PLEKHG7: variants seen among roughly 807,000 people sequenced by gnomAD.
PLEKHG7 encodes pleckstrin homology and RhoGEF domain containing G7.
A neutral mutation model predicts 85.2 loss-of-function variants in PLEKHG7; 77 were observed. That is an observed-to-expected ratio of 0.90 (90% CI 0.75 to 1.09). The LOEUF (loss-of-function observed/expected upper bound fraction) is 1.09. Ranked by LOEUF, PLEKHG7 falls within the 50% of genes least tolerant of loss-of-function variation. The pLI, the probability that PLEKHG7 is intolerant of heterozygous loss-of-function variation, is 0.00. For synonymous variants in PLEKHG7, 301 were observed against 302.4 expected (o/e 1.00, Z 0.05); for missense variants, 777 against 804.3 (o/e 0.97, Z 0.41).
intron 4 of PLEKHG7, 69 bp from the exon 5 acceptor site, chr12:92,732,164 G>A (rs76967762): frequency 1.0e-6 from 1 of 963,426 alleles, no homozygotes. Context: ...GTTTTGTAAA[G>A]CACTACGATG....
intron 5 of PLEKHG7, among the ~76,000 whole-genome samples, chr12:92,733,501 A>G (rs879913218): frequency 2.0e-5 from 3 of 152,224 alleles, no homozygotes; most frequent in African/African-American, 4.8e-5. Flanking sequence ...AAATGGTAAC[A>G]CCATTGCCAC....
chr12:92,769,282 GGGTTGA>G (rs1873325481), intron 16 of PLEKHG7, among the ~76,000 whole-genome samples: 2 of 152,058 alleles, frequency 1.3e-5, no homozygotes, highest in South Asian at 4.2e-4. Flanking sequence ...CACACTTGTG[GGGTTGA>G]GGAACAATTT....
intron 3 of PLEKHG7, among the ~76,000 whole-genome samples, chr12:92,723,807 T>G (rs1409038051): frequency 6.6e-6 from 1 of 151,754 alleles, no homozygotes; most frequent in Non-Finnish European, 1.5e-5. Context: ...CAAGAAGGGG[T>G]TGGGGAAGAT....
intron 3 of PLEKHG7, among the ~76,000 whole-genome samples, chr12:92,715,834 A>C (rs1871470730): frequency 6.6e-6 from 1 of 151,868 alleles, no homozygotes; most frequent in African/African-American, 2.4e-5. Context: ...ACGCCCACTC[A>C]TTTGTGCATT....
chr12:92,725,597 T>C (rs1005721251), intron 3 of PLEKHG7, among the ~76,000 whole-genome samples: 17 of 152,166 alleles, frequency 1.1e-4, no homozygotes, highest in Non-Finnish European at 2.5e-4. Context: ...GAAGACTTCT[T>C]GGAGGAAGCA....
At chr12:92,733,431 A>G (rs1872050400) in intron 5 of PLEKHG7, among the ~76,000 whole-genome samples, 1 of 152,236 alleles carries the variant, frequency 6.6e-6, no homozygotes, top group African/African-American at 2.4e-5. Flanking sequence ...TCCCAAAAAT[A>G]AAACGTTTAT....
chr12:92,756,552 G>C (rs2136623999), intron 13 of PLEKHG7, among the ~76,000 whole-genome samples, 161 bp downstream of exon 13: 1 of 152,326 alleles, frequency 6.6e-6, no homozygotes, highest in East Asian at 1.9e-4. Context: ...ACTCAGGCTT[G>C]AATGAAGACT....
chr12:92,706,979 GA>G lies in PLEKHG7; in HGVS notation c.350del (p.Asn117MetfsTer72). 1 of 1,614,168 alleles carries G rather than the reference GA, an allele frequency of 6.2e-7. No homozygotes were observed. The highest frequency in any genetic ancestry group is 1.1e-5 in the South Asian group (1 of 91,076). The stretch of plus-strand genomic sequence containing the variant: ...TGACCTCTGAACCTGAAAGGGCCCT[GA>G]ATGCAGCTGACTCACTGGAGCCCCA... ...RLTSEPERAL[N>X]AADSLEPQTR... On this transcript the variant is annotated frameshift_variant, in exon 2 of 17. Transcript: ENST00000344636. LOFTEE classifies it high-confidence loss of function.
At chr12:92,766,227 A>T (rs906857776) in intron 15 of PLEKHG7, among the ~76,000 whole-genome samples, 1 of 152,214 alleles carries the variant, frequency 6.6e-6, no homozygotes, top group African/African-American at 2.4e-5. Context: ...TTACTTTTTC[A>T]TGGGGAAAAA....
Position 92,770,390 on chromosome 12 carries a change from G to A in PLEKHG7, c.*195G>A. ...TGACTGCAACAAATTTGAACTCTGA[G>A]GAATTTCTTGACAAATATATACTGA... On this transcript the variant is annotated 3_prime_UTR_variant, in exon 17 of 17. Transcript: ENST00000344636. The A allele has an allele frequency of 8.0e-6, 4 of 499,322 alleles. No individual in the cohort carries two copies. Among genetic ancestry groups the A allele is most frequent in the Middle Eastern group, 5.2e-4 (1 of 1,918 alleles). The allele number at this position is 499,322 out of a possible 1,614,324, so 30.9% of individuals were successfully genotyped here. A position where few individuals can be genotyped will look rare whatever the true frequency, so the allele number is the denominator to read the frequency against.
intron 3 of PLEKHG7, among the ~76,000 whole-genome samples, chr12:92,727,821 C>T (rs147130446): frequency 1.0e-3 from 159 of 151,804 alleles, no homozygotes; most frequent in African/African-American, 3.6e-3. Flanking sequence ...GAACTCCTGA[C>T]CTCAGATGAT....
At position 92,723,582 on chromosome 12, in the gene PLEKHG7, T is replaced by C. The variant is rs12303346; in HGVS notation, c.531-5411T>C. Reference sequence around the variant, plus strand: ...CTGCTTACCAAGTTCTGGACACTGATCTAAGTGCTTTATATTGATTAATTT... The same window carrying C: ...CTGCTTACCAAGTTCTGGACACTGACCTAAGTGCTTTATATTGATTAATTT... On this transcript the variant is annotated intron_variant, in intron 3 of 16. Transcript: ENST00000344636. 6.8e-3 allele frequency among the ~76,000 whole-genome samples: 1,038 copies of C among 152,344 alleles called. 14 individuals carry two copies. Among genetic ancestry groups the C allele is most frequent in the African/African-American group, 0.024 (983 of 41,580 alleles).
At chr12:92,714,140 G>C (rs1871419446) in intron 3 of PLEKHG7, among the ~76,000 whole-genome samples, 1 of 152,216 alleles carries the variant, frequency 6.6e-6, no homozygotes, top group Admixed American at 6.5e-5. Flanking sequence ...GGCAAACAAG[G>C]TTGTTGGGGG....
rs1310480548 is a variant in PLEKHG7 at position 92,741,576 on chromosome 12, T to C, written c.1121T>C (p.Ile374Thr). 4.3e-6 allele frequency: 7 copies of C among 1,612,806 alleles called. No homozygotes were observed. The Admixed American group carries it at 8.4e-5, about 19-fold the overall frequency. ...GAGATTTCCTCATCACTGGATTTTATTTCCGTGCTCACAAAGGTAAACTCC... is the reference window on the plus strand; with the variant it reads ...GAGATTTCCTCATCACTGGATTTTACTTCCGTGCTCACAAAGGTAAACTCC... Reference protein sequence around the residue: ...ASEISSSLDFISVLTKYFRGS... With the variant: ...ASEISSSLDFTSVLTKYFRGS... Residue 374 changes from isoleucine (I) to threonine (T), a missense_variant, in exon 9 of 17, where the codon ATT becomes ACT. Around this residue, in one of 3 missense-constraint regions of PLEKHG7, gnomAD observed 520 missense variants for 544.0 expected, o/e 0.96. Transcript: ENST00000344636.
Position 92,768,967 on chromosome 12 carries a change from T to C in PLEKHG7, c.1871-16T>C. The C allele has an allele frequency of 6.6e-7, 1 of 1,514,528 alleles. No homozygotes were observed. Among genetic ancestry groups the C allele is most frequent in the Non-Finnish European group, 9.0e-7 (1 of 1,106,820 alleles). The allele number at this position is 1,514,528 out of a possible 1,614,324, so 93.8% of individuals were successfully genotyped here. On this transcript the variant is annotated splice_polypyrimidine_tract_variant and intron_variant, in intron 15 of 16. Coordinates refer to ENST00000344636, the MANE Select transcript of PLEKHG7 (RefSeq NM_001377329.1). ...GAAATGATTTGGCTTTTTGTCTTTG[T>C]AATATCTTTTTCTAGTCTTTGGGCT...
intron 4 of PLEKHG7, among the ~76,000 whole-genome samples, chr12:92,730,996 T>A (rs1302194803): frequency 6.6e-6 from 1 of 152,210 alleles, no homozygotes; most frequent in Admixed American, 6.6e-5. Flanking sequence ...ATGAGTCACC[T>A]GCAGATATAG....
At chr12:92,719,177 C>T (rs1165250349) in intron 3 of PLEKHG7, among the ~76,000 whole-genome samples, 2 of 152,062 alleles carry the variant, frequency 1.3e-5, no homozygotes, top group Non-Finnish European at 2.9e-5. Context: ...AAAATATATC[C>T]CAGATTTAAC....
rs184940350 is a variant in PLEKHG7, at chr12:92,724,394, T to A, written c.531-4599T>A. Among the ~76,000 whole-genome samples the A allele has an allele frequency of 1.2e-4, 19 of 152,318 alleles. No individual in the cohort carries two copies. The East Asian group carries it at 3.7e-3, about 29-fold the overall frequency. ...AAGTTGTAAGAACTCACAGCCCTAA[T>A]GATCTTCTTATAAAATCAAATCATA... On this transcript the variant is annotated intron_variant, in intron 3 of 16. Transcript: ENST00000344636.
chr12:92,722,887 G>A (rs1486482432), intron 3 of PLEKHG7, among the ~76,000 whole-genome samples: 4 of 152,094 alleles, frequency 2.6e-5, no homozygotes, highest in East Asian at 1.9e-4. Flanking sequence ...GATTAGATTC[G>A]GTGATATATA....
Sources: allele counts gnomAD v4.1 joint callset (sites outside exome capture counted in the v4.1 genomes callset), GRCh38; gene constraint gnomAD v4.1.1; regional missense constraint gnomAD v4.1.1; transcripts MANE v1.5; gene names NCBI Gene and HGNC (gene_info 2026-07-23, HGNC 2026-07-21).